Variants in RALGAPA2 observed in about 807,000 individuals in gnomAD.
RALGAPA2 encodes the protein ral GTPase-activating protein subunit alpha-2.
Under a neutral mutation model 230.4 loss-of-function variants are expected in RALGAPA2, and 139 were observed. That is an observed-to-expected ratio of 0.60 (90% CI 0.53 to 0.69). The LOEUF (loss-of-function observed/expected upper bound fraction) is 0.69. Ranked by LOEUF, RALGAPA2 falls within the 30% of genes least tolerant of loss-of-function variation. RALGAPA2 has a pLI of 0.00. For synonymous variants in RALGAPA2, 847 were observed against 837.8 expected (o/e 1.01, Z -0.19); for missense variants, 2,163 against 2,276.0 (o/e 0.95, Z 1.01).
intron 23 of RALGAPA2, among the ~76,000 whole-genome samples, chr20:20,563,586 G>T (rs2064322139): frequency 6.6e-6 from 1 of 152,076 alleles, no homozygotes; most frequent in Admixed American, 6.6e-5. Flanking sequence ...CACCCATTTG[G>T]CCTGTCCTAT....
chr20:20,631,282 C>CT (rs1372350365), intron 9 of RALGAPA2, among the ~76,000 whole-genome samples: 2 of 152,252 alleles, frequency 1.3e-5, no homozygotes, highest in Non-Finnish European at 2.9e-5. Context: ...CATCTTGGAC[C>CT]TTGCAGACCA....
At chr20:20,674,887 G>A (rs1429943562) in intron 3 of RALGAPA2, among the ~76,000 whole-genome samples, 1 of 152,166 alleles carries the variant, frequency 6.6e-6, no homozygotes, top group African/African-American at 2.4e-5. Context: ...TGTCACAGAG[G>A]TGAAAAAGGA....
Position 20,524,416 on chromosome 20 carries a change from T to A in RALGAPA2, c.3890A>T (p.Tyr1297Phe), listed in dbSNP as rs1038723491. 2 of 1,613,784 alleles carry A rather than the reference T, an allele frequency of 1.2e-6. No individual in the cohort carries two copies. Among genetic ancestry groups the A allele is most frequent in the Non-Finnish European group, 8.5e-7 (1 of 1,179,782 alleles). ...CAGGTGTAGACTCACCCTGTAGATA[T>A]AATCCAGCAAGGGGGCTCTGGCCGA... ...QHSARAPLLD[Y>F]IYRVLHCCVC... The change falls in exon 30 of 40, where the codon TAT becomes TTT. Residue 1297 changes from tyrosine to phenylalanine, a missense_variant. By Grantham distance (22) the Tyr-to-Phe change is conservative (BLOSUM62 3). Transcript: ENST00000202677.
intron 38 of RALGAPA2, among the ~76,000 whole-genome samples, chr20:20,407,002 T>C (rs1224334164): frequency 6.6e-6 from 1 of 152,190 alleles, no homozygotes; most frequent in Non-Finnish European, 1.5e-5. Context: ...GATTATGGGA[T>C]TATCACTATA....
chr20:20,456,122 A>G (rs1028199274), intron 37 of RALGAPA2, among the ~76,000 whole-genome samples: 1 of 152,240 alleles, frequency 6.6e-6, no homozygotes, highest in South Asian at 2.1e-4. Context: ...TTCAGTATCC[A>G]TATTAAGTCA....
chr20:20,660,196 C>T (rs1001660287), intron 3 of RALGAPA2, among the ~76,000 whole-genome samples: 3 of 151,784 alleles, frequency 2.0e-5, no homozygotes, highest in African/African-American at 7.3e-5. Context: ...CCACCGCACT[C>T]CAGCCTGGGC....
At chr20:20,472,768 AC>A (rs1340380249) in intron 37 of RALGAPA2, 60 bp downstream of exon 37, 1 of 1,545,614 alleles carries the variant, frequency 6.5e-7, no homozygotes, top group Non-Finnish European at 8.7e-7. Flanking sequence ...CTTATGAAAA[AC>A]TGCCAGGAAT....
In RALGAPA2 at chr20:20,512,943, C is replaced by T. The variant is rs2062756112; in HGVS notation, c.4426G>A (p.Val1476Ile). ...CAGCCTTCCAAAGGTCCATATAAAA[C>T]CTTACCATCCCAAGAGTACTTCCCT... is the stretch of plus-strand genomic sequence containing the variant. Reference protein sequence around the residue: ...ISGKYSWDGKVLYGPLEGCLA... With the variant: ...ISGKYSWDGKILYGPLEGCLA... The change falls in exon 32 of 40, where the codon GTT becomes ATT. Residue 1476 changes from valine to isoleucine, a missense_variant. Coordinates refer to ENST00000202677, the MANE Select transcript of RALGAPA2 (RefSeq NM_020343.4). 5 of 1,613,650 alleles carry T rather than the reference C, an allele frequency of 3.1e-6. No individual in the cohort carries two copies. Among genetic ancestry groups the T allele is most frequent in the Non-Finnish European group, 4.2e-6 (5 of 1,179,722 alleles).
chr20:20,600,927 C>T (rs1490598001), intron 16 of RALGAPA2, among the ~76,000 whole-genome samples: 2 of 152,140 alleles, frequency 1.3e-5, no homozygotes, highest in Non-Finnish European at 2.9e-5. Context: ...TGGTGAAACC[C>T]TGTTTCTACT....
At chr20:20,473,264 G>T (rs2061578532) in intron 36 of RALGAPA2, among the ~76,000 whole-genome samples, 2 of 152,162 alleles carry the variant, frequency 1.3e-5, no homozygotes, top group South Asian at 4.1e-4. Flanking sequence ...TACATCATGT[G>T]AATTATGCAT....
chr20:20,485,806 T>C (rs914883136), intron 36 of RALGAPA2, among the ~76,000 whole-genome samples: 2 of 152,230 alleles, frequency 1.3e-5, no homozygotes, highest in Admixed American at 6.5e-5. Flanking sequence ...CTTGTTGCTA[T>C]TACTATCTGG....
At chr20:20,506,424 G>A (rs929504753) in intron 33 of RALGAPA2, among the ~76,000 whole-genome samples, 15 of 152,102 alleles carry the variant, frequency 9.9e-5, no homozygotes, top group African/African-American at 2.2e-4. Flanking sequence ...GGAGTAAAGC[G>A]ACAAAATACC....
intron 31 of RALGAPA2, among the ~76,000 whole-genome samples, chr20:20,519,790 G>T (rs1051511838): frequency 6.6e-6 from 1 of 152,112 alleles, no homozygotes; most frequent in Non-Finnish European, 1.5e-5. Flanking sequence ...TGCCCACAAG[G>T]TTCTAGTCTT....
chr20:20,600,523 A>C (rs540505701), intron 16 of RALGAPA2, among the ~76,000 whole-genome samples: 2 of 152,310 alleles, frequency 1.3e-5, no homozygotes, highest in African/African-American at 4.8e-5. Context: ...AGTATGAGAG[A>C]GTTACAGTTA....
At chr20:20,642,952 G>A (rs779164199) in intron 5 of RALGAPA2, among the ~76,000 whole-genome samples, 3 of 151,974 alleles carry the variant, frequency 2.0e-5, no homozygotes, top group Admixed American at 6.6e-5. Flanking sequence ...TCTTATCTCA[G>A]CATCAAGAAG....
chr20:20,405,820 A>G (rs1363251289), intron 38 of RALGAPA2, among the ~76,000 whole-genome samples: 1 of 152,190 alleles, frequency 6.6e-6, no homozygotes, highest in East Asian at 1.9e-4. Context: ...GACAGATGAA[A>G]CATAATTACG....
intron 31 of RALGAPA2, among the ~76,000 whole-genome samples, chr20:20,514,415 C>G (rs1419850608): frequency 6.6e-6 from 1 of 152,158 alleles, no homozygotes; most frequent in African/African-American, 2.4e-5. Context: ...TCCTGCTTGC[C>G]TAGTTCAGCA....
At chr20:20,673,655 T>A (rs1188900982) in intron 3 of RALGAPA2, among the ~76,000 whole-genome samples, 1 of 152,050 alleles carries the variant, frequency 6.6e-6, no homozygotes, top group Admixed American at 6.6e-5. Flanking sequence ...GGTTAAAATC[T>A]TCACATAAGT....
At chr20:20,419,436 T>C (rs2060232026) in intron 37 of RALGAPA2, among the ~76,000 whole-genome samples, 1 of 152,166 alleles carries the variant, frequency 6.6e-6, no homozygotes, top group Non-Finnish European at 1.5e-5. Context: ...GAAGTCCATT[T>C]GACTCAGACA....
Sources: gnomAD v4.1 joint callset for allele counts (sites outside exome capture counted in the v4.1 genomes callset) on GRCh38, gnomAD v4.1.1 for gene constraint, MANE v1.5 for transcripts, NCBI Gene and HGNC (gene_info 2026-07-23, HGNC 2026-07-21) for gene names.